PCDH15: variants seen among roughly 807,000 people sequenced by gnomAD.
PCDH15 encodes protocadherin related 15.
A neutral mutation model predicts 178.5 loss-of-function variants in PCDH15; 129 were observed. That is an observed-to-expected ratio of 0.72 (90% CI 0.63 to 0.84). The LOEUF is 0.84. Ranked by LOEUF, PCDH15 falls within the 40% of genes least tolerant of loss-of-function variation. The probability of loss-of-function intolerance (pLI) is 0.00; values close to 1 mark genes in which losing one functional copy is unlikely to be tolerated. For missense variants in PCDH15, 2,230 were observed against 2,099.9 expected (o/e 1.06, Z -1.21); for synonymous variants, 800 against 732.0 (o/e 1.09, Z -1.50).
chr10:53,806,777 A>G lies in PCDH15; in HGVS notation c.5025T>C (p.Pro1675=). Residue 1675 remains proline (P), a synonymous_variant, in exon 38 of 38, where the codon CCT becomes CCC. Transcript: ENST00000644397. ...CTGTATTGTCAGTCCCCACAGGGCA[A>G]GGGGCAAATGTAACCAGAGTTGGTC... ...NARPTLVTFA[P]CPVGTDNTAV... 6.2e-7 allele frequency: 1 copy of G among 1,613,880 alleles called. No individual in the cohort carries two copies. Among genetic ancestry groups the G allele is most frequent in the African/African-American group, 1.3e-5 (1 of 75,032 alleles).
intron 3 of PCDH15, among the ~76,000 whole-genome samples, chr10:54,445,389 T>C (rs2076084187): frequency 6.6e-6 from 1 of 151,562 alleles, no homozygotes; most frequent in South Asian, 2.1e-4. Context: ...ATCACCAGTT[T>C]GCTCCTGAAT....
At chr10:55,291,168 A>G (rs1842997597) in intron 1 of PCDH15, among the ~76,000 whole-genome samples, 1 of 152,136 alleles carries the variant, frequency 6.6e-6, no homozygotes, top group Non-Finnish European at 1.5e-5. Context: ...TGCCTTCCCA[A>G]CAGTTCCCCA....
chr10:55,485,724 C>A (rs1470593133), intron 2 of PCDH15, among the ~76,000 whole-genome samples: 1 of 151,466 alleles, frequency 6.6e-6, no homozygotes, highest in Non-Finnish European at 1.5e-5. Context: ...ATGGAAAAAC[C>A]ATATGGAGGT....
At chr10:55,074,183 G>A (rs1347587719) in intron 2 of PCDH15, among the ~76,000 whole-genome samples, 2 of 152,148 alleles carry the variant, frequency 1.3e-5, no homozygotes, top group Admixed American at 6.6e-5. Flanking sequence ...ACACGTGCAC[G>A]TATCTTTGTA....
At chr10:55,159,296 TTA>T (rs58341244) in intron 2 of PCDH15, among the ~76,000 whole-genome samples, 1 of 151,146 alleles carries the variant, frequency 6.6e-6, no homozygotes. Flanking sequence ...CTATATATAG[TTA>T]TATATATATC....
intron 26 of PCDH15, among the ~76,000 whole-genome samples, chr10:53,880,542 A>C (rs1232870863): frequency 6.6e-6 from 1 of 152,144 alleles, no homozygotes; most frequent in African/African-American, 2.4e-5. Context: ...AAATTCTGAC[A>C]ATTTTACTGC....
At chr10:54,046,513 G>A (rs1250284666) in intron 18 of PCDH15, among the ~76,000 whole-genome samples, 1 of 151,986 alleles carries the variant, frequency 6.6e-6, no homozygotes, top group Non-Finnish European at 1.5e-5. Context: ...AAAGAAGACA[G>A]ATACTAATGC....
intron 2 of PCDH15, among the ~76,000 whole-genome samples, chr10:55,128,490 T>A (rs1470530120): frequency 4.6e-5 from 7 of 152,072 alleles, no homozygotes; most frequent in Non-Finnish European, 8.8e-5. Context: ...TAATTTAGAA[T>A]AAAATCATCT....
chr10:53,868,824 G>A (rs1385703212), intron 26 of PCDH15, among the ~76,000 whole-genome samples: 1 of 152,062 alleles, frequency 6.6e-6, no homozygotes, highest in African/African-American at 2.4e-5. Flanking sequence ...TTTCTAGGGA[G>A]TTAATATTCT....
intron 7 of PCDH15, among the ~76,000 whole-genome samples, chr10:54,321,271 C>T (rs1265615678): frequency 2.0e-5 from 3 of 149,868 alleles, no homozygotes; most frequent in South Asian, 4.2e-4. Context: ...TCAAGTAATC[C>T]TCGCACCTCA....
chr10:55,346,649 T>G (rs551971794), intron 2 of PCDH15, among the ~76,000 whole-genome samples: 1 of 150,840 alleles, frequency 6.6e-6, no homozygotes, highest in Non-Finnish European at 1.5e-5. Context: ...TTTGGAATCA[T>G]GCAATATGCG....
chr10:55,128,301 T>C (rs1019689988), intron 2 of PCDH15, among the ~76,000 whole-genome samples: 7 of 151,730 alleles, frequency 4.6e-5, no homozygotes, highest in African/African-American at 1.4e-4. Flanking sequence ...AACAGTACAA[T>C]GGCCATTACA....
At chr10:54,415,900 A>G (rs1954284347) in intron 3 of PCDH15, among the ~76,000 whole-genome samples, 1 of 152,196 alleles carries the variant, frequency 6.6e-6, no homozygotes, top group Non-Finnish European at 1.5e-5. Flanking sequence ...TGGTATTTCC[A>G]ATGACAACTG....
chr10:55,159,376 T>C (rs1326002009), intron 2 of PCDH15, among the ~76,000 whole-genome samples: 1 of 5,632 alleles, frequency 1.8e-4, no homozygotes, highest in African/African-American at 2.1e-4. Flanking sequence ...TATCTATATA[T>C]ATATATATAT....
chr10:55,218,645 G>A (rs1840778817), intron 1 of PCDH15, among the ~76,000 whole-genome samples: 1 of 152,018 alleles, frequency 6.6e-6, no homozygotes, highest in Admixed American at 6.6e-5. Flanking sequence ...ATCAAAGCAA[G>A]TTAAAATCAA....
intron 8 of PCDH15, among the ~76,000 whole-genome samples, chr10:54,305,430 T>A (rs1591697780): frequency 6.6e-6 from 1 of 151,976 alleles, no homozygotes; most frequent in African/African-American, 2.4e-5. Flanking sequence ...TTATACAAAG[T>A]CATTCTATGC....
At chr10:53,812,462 A>G (rs1485218665) in intron 35 of PCDH15, among the ~76,000 whole-genome samples, 3 of 151,990 alleles carry the variant, frequency 2.0e-5, no homozygotes, top group East Asian at 1.9e-4. Context: ...ATCAGCCCCA[A>G]TCGGCCTCCC....
intron 14 of PCDH15, among the ~76,000 whole-genome samples, chr10:54,148,006 G>A (rs1483838996): frequency 6.6e-6 from 1 of 151,968 alleles, no homozygotes; most frequent in African/African-American, 2.4e-5. Context: ...TTATGCAAAA[G>A]TCATGATGCT....
intron 1 of PCDH15, among the ~76,000 whole-genome samples, chr10:54,683,585 G>A (rs988242609): frequency 2.0e-5 from 3 of 151,980 alleles, no homozygotes; most frequent in Non-Finnish European, 4.4e-5. Context: ...TTAAATTCTG[G>A]ATCAAAATTC....
Sources: gnomAD v4.1 joint callset for allele counts (sites outside exome capture counted in the v4.1 genomes callset) on GRCh38, gnomAD v4.1.1 for gene constraint, MANE v1.5 for transcripts, NCBI Gene and HGNC (gene_info 2026-07-23, HGNC 2026-07-21) for gene names.